The following MAP3K7 variants were observed in gnomAD, a reference collection of about 807,000 sequenced individuals.
MAP3K7 encodes the protein TGF-beta activated kinase 1.
Under a neutral mutation model 84.8 loss-of-function variants are expected in MAP3K7, and 21 were observed. That is an observed-to-expected ratio of 0.25 (90% CI 0.18 to 0.36). MAP3K7 has a LOEUF of 0.36. MAP3K7 is among the 10% of genes least tolerant of loss of function. The pLI is 1.00. For synonymous variants in MAP3K7, 241 were observed against 247.7 expected, an observed-to-expected ratio of 0.97 and a Z score of 0.25; for missense variants, 503 against 747.7, an observed-to-expected ratio of 0.67 and a Z score of 3.82.
Position 90,552,091 on chromosome 6 carries a change from AG to A in MAP3K7, c.824del (p.Pro275LeufsTer7), listed in dbSNP as rs1424161711. ...TTATTTTCACAATTTCCTCCATTGA[AG>A]GGCGCTGGGAAGGATCTTTAGACCA... Reference protein sequence around the residue: ...RCWSKDPSQRPSMEEIVKIMT... With the variant: ...RCWSKDPSQRXSMEEIVKIMT... On this transcript the variant is annotated frameshift_variant, in exon 8 of 17. Transcript: ENST00000369329. LOFTEE classifies it high-confidence loss of function. 6.2e-7 allele frequency: 1 copy of A among 1,612,180 alleles called. No homozygotes were observed. The highest frequency in any genetic ancestry group is 1.3e-5 in the African/African-American group (1 of 74,904).
At chr6:90,547,992 T>C in intron 10 of MAP3K7, 55 bp downstream of exon 10, 13 of 1,452,232 alleles carry the variant, frequency 9.0e-6, no homozygotes, top group Non-Finnish European at 1.2e-5. Flanking sequence ...TCAGTTAGTA[T>C]AATATTGTGA....
At chr6:90,586,378 C>CAAAAAA (rs71027942) in intron 1 of MAP3K7, among the ~76,000 whole-genome samples, 2 of 78,574 alleles carry the variant, frequency 2.5e-5, no homozygotes, top group Non-Finnish European at 4.8e-5. Context: ...GACTCCGTCT[C>CAAAAAA]AAAAAAAAAA....
At chr6:90,556,746 C>T in intron 5 of MAP3K7, 122 bp from the exon 6 acceptor site, 7 of 947,196 alleles carry the variant, frequency 7.4e-6, no homozygotes, top group Non-Finnish European at 9.1e-6. Flanking sequence ...CATTCAACTT[C>T]TGTGAAATGA....
At chr6:90,566,236 A>C (rs2127982084) in intron 3 of MAP3K7, among the ~76,000 whole-genome samples, 1 of 152,332 alleles carries the variant, frequency 6.6e-6, no homozygotes, top group African/African-American at 2.4e-5. Flanking sequence ...GGAGAAAGAA[A>C]TAAAGGGTAT....
intron 8 of MAP3K7, chr6:90,550,852 ACAG>A (rs1182397269): frequency 2.3e-5 from 5 of 214,334 alleles, no homozygotes; most frequent in African/African-American, 9.3e-5. Context: ...TCATGTTCTT[ACAG>A]TAGTGATGTA....
chr6:90,583,062 C>T (rs1446823737), intron 1 of MAP3K7, among the ~76,000 whole-genome samples: 3 of 151,842 alleles, frequency 2.0e-5, no homozygotes, highest in African/African-American at 7.3e-5. Context: ...TTTGTACTTT[C>T]AGTAGTGACG....
chr6:90,586,098 C>G (rs1445203665), intron 1 of MAP3K7, among the ~76,000 whole-genome samples: 5 of 152,042 alleles, frequency 3.3e-5, no homozygotes. Flanking sequence ...TCCGGCCGGG[C>G]CCGGTGGCTC....
rs199615272 is a variant in MAP3K7, at chr6:90,552,050, C to T, written c.866G>A (p.Arg289Gln). The part of the protein sequence containing the change: ...EIVKIMTHLM[R>Q]YFPGADEPLQ... ...AGCCCCTCAAAAGAAGGATTATACC[C>T]GCATCAAGTGAGTCATTATTTTCAC... Residue 289 changes from arginine (R) to glutamine (Q), a missense_variant and splice_region_variant, in exon 8 of 17, where the codon CGG becomes CAG. By Grantham distance (43) the Arg-to-Gln change is conservative. Transcript: ENST00000369329. 49 of 1,607,700 alleles carry T rather than the reference C, an allele frequency of 3.0e-5. No homozygotes were observed. In the East Asian group the frequency reaches 6.9e-4, roughly 23 times the overall value.
intron 6 of MAP3K7, among the ~76,000 whole-genome samples, chr6:90,554,666 G>A (rs1319432441): frequency 2.0e-5 from 3 of 152,016 alleles, no homozygotes; most frequent in Non-Finnish European, 4.4e-5. Flanking sequence ...AGACAATTAA[G>A]GGTTGTCTAG....
chr6:90,531,758 G>T (rs1223230473), intron 13 of MAP3K7, among the ~76,000 whole-genome samples: 1 of 152,040 alleles, frequency 6.6e-6, no homozygotes, highest in Non-Finnish European at 1.5e-5. Flanking sequence ...TTCGAGACCA[G>T]CCTGGGCAAC....
In MAP3K7 at chr6:90,558,782, C is replaced by T. The variant is rs529664805; in HGVS notation, c.482+1294G>A. Reference sequence around the variant, plus strand: ...GACTTCCTTTTGTAAGATATTTCTCCATATATTGTTCAATAACTAATCATT... The same window carrying T: ...GACTTCCTTTTGTAAGATATTTCTCTATATATTGTTCAATAACTAATCATT... On this transcript the variant is annotated intron_variant, in intron 5 of 16. Coordinates refer to ENST00000369329, the MANE Select transcript of MAP3K7 (RefSeq NM_145331.3). Among the ~76,000 whole-genome samples, 27 of 152,224 alleles carry T rather than the reference C, an allele frequency of 1.8e-4. No individual in the cohort carries two copies. The South Asian group carries it at 5.0e-3, about 28-fold the overall frequency.
At chr6:90,545,455 A>G (rs941259926) in intron 11 of MAP3K7, among the ~76,000 whole-genome samples, 3 of 152,170 alleles carry the variant, frequency 2.0e-5, no homozygotes, top group African/African-American at 7.2e-5. Context: ...AACCATTATT[A>G]TAACAATTTT....
intron 1 of MAP3K7, among the ~76,000 whole-genome samples, chr6:90,576,536 C>T (rs1023576009): frequency 1.1e-4 from 16 of 151,932 alleles, no homozygotes; most frequent in African/African-American, 3.4e-4. Flanking sequence ...CTTATTTACT[C>T]CAATATGTGA....
At chr6:90,518,004 A>G (rs1775023894) in intron 16 of MAP3K7, among the ~76,000 whole-genome samples, 1 of 151,750 alleles carries the variant, frequency 6.6e-6, no homozygotes, top group South Asian at 2.1e-4. Flanking sequence ...AAAAGGGAGG[A>G]AGGCAGTTTC....
chr6:90,541,073 C>G (rs960664793), intron 12 of MAP3K7, among the ~76,000 whole-genome samples: 2 of 151,786 alleles, frequency 1.3e-5, no homozygotes, highest in Admixed American at 6.6e-5. Flanking sequence ...AAACAATGAT[C>G]TGTGTTCTTA....
At chr6:90,568,775 C>A (rs1242400926) in intron 2 of MAP3K7, 152 bp from the exon 3 acceptor site, 7 of 587,642 alleles carry the variant, frequency 1.2e-5, no homozygotes, top group Non-Finnish European at 1.7e-5. Context: ...ATCATAGTCA[C>A]TGAAAATACC....
chr6:90,586,547 G>A (rs1401042619), intron 1 of MAP3K7, among the ~76,000 whole-genome samples: 1 of 152,114 alleles, frequency 6.6e-6, no homozygotes. Flanking sequence ...AAAATCAAGA[G>A]TACCCAAGAG....
intron 14 of MAP3K7, among the ~76,000 whole-genome samples, chr6:90,520,145 T>C (rs558666749): frequency 6.6e-6 from 1 of 151,998 alleles, no homozygotes; most frequent in African/African-American, 2.4e-5. Context: ...TCTGAAGCAA[T>C]ACAGACTTTT....
intron 11 of MAP3K7, among the ~76,000 whole-genome samples, chr6:90,546,298 C>A (rs189000157): frequency 6.4e-4 from 97 of 151,564 alleles, no homozygotes; most frequent in Non-Finnish European, 1.2e-3. Context: ...TAGAAAAAAA[C>A]CAAATAAGTG....
Sources: allele counts gnomAD v4.1 joint callset (sites outside exome capture counted in the v4.1 genomes callset), GRCh38; gene constraint gnomAD v4.1.1; transcripts MANE v1.5; gene names NCBI Gene and HGNC (gene_info 2026-07-23, HGNC 2026-07-21).